VWF: variants seen among roughly 807,000 people sequenced by gnomAD.
The protein encoded by VWF is Factor VIII related antigen.
A neutral mutation model predicts 308.6 loss-of-function variants in VWF; 176 were observed. The ratio of observed to expected loss-of-function variants is 0.57; its 90% CI spans 0.50 to 0.65. VWF has a LOEUF of 0.65. Among genes scored for constraint, VWF ranks in the 30% least tolerant of loss-of-function variants. The pLI is 0.00. For synonymous variants in VWF, 1,385 were observed against 1,443.4 expected, an observed-to-expected ratio of 0.96 and a Z score of 0.92; for missense variants, 3,146 against 3,648.2, an observed-to-expected ratio of 0.86 and a Z score of 3.55.
rs2239141 is a variant in VWF, at chr12:6,091,212, T to A, written c.657+4248A>T. 1.2e-3 allele frequency among the ~76,000 whole-genome samples: 186 copies of A among 152,016 alleles called. 2 individuals are homozygous for A. The East Asian group carries it at 0.026, about 21-fold the overall frequency. On this transcript the variant is annotated intron_variant, in intron 6 of 51. Transcript: ENST00000261405. ...ACATTCTCCTTGGTCAGAGGTCAAA[T>A]TGTTCCATGAAGATGAAGACTCACT...
intron 9 of VWF, among the ~76,000 whole-genome samples, chr12:6,071,821 A>T (rs1944786049): frequency 6.6e-6 from 1 of 152,208 alleles, no homozygotes. Flanking sequence ...GCTGTGCAGG[A>T]GACTGGCAAA....
intron 6 of VWF, among the ~76,000 whole-genome samples, chr12:6,086,744 G>A (rs1445738455): frequency 6.6e-6 from 1 of 152,178 alleles, no homozygotes; most frequent in Non-Finnish European, 1.5e-5. Flanking sequence ...AGCAGAAATA[G>A]CAGAAAGGGC....
intron 32 of VWF, among the ~76,000 whole-genome samples, chr12:6,012,584 T>C (rs1406440959): frequency 6.6e-6 from 1 of 152,214 alleles, no homozygotes; most frequent in Non-Finnish European, 1.5e-5. Flanking sequence ...CAAACTTGCA[T>C]TGACTTATTC....
At chr12:6,073,548 T>G (rs1478650305) in intron 8 of VWF, 71 bp downstream of exon 8, 3 of 1,609,354 alleles carry the variant, frequency 1.9e-6, no homozygotes, top group Non-Finnish European at 2.5e-6. Context: ...CAAGTGGCCT[T>G]CATCTCACTT....
At chr12:6,086,029 T>C (rs1591908546) in intron 6 of VWF, among the ~76,000 whole-genome samples, 1 of 152,140 alleles carries the variant, frequency 6.6e-6, no homozygotes, top group South Asian at 2.1e-4. Flanking sequence ...ACCACAACCA[T>C]TGGCTCCCTG....
chr12:6,043,770 G>T (rs1242476729), intron 18 of VWF, among the ~76,000 whole-genome samples: 1 of 152,322 alleles, frequency 6.6e-6, no homozygotes, highest in African/African-American at 2.4e-5. Flanking sequence ...AAGACCTCAC[G>T]ACTCACATTA....
In VWF at chr12:6,026,014, A is replaced by G. The variant is rs771785483; in HGVS notation, c.3000T>C (p.Asp1000=). ...EKVCGLCGNF[D]GIQNNDLTSS... ...TGGTGAGGTCATTGTTCTGGATGCC[A>G]TCAAAATTCCCACACAGGCCACACA... The change falls in exon 23 of 52, where the codon GAT becomes GAC. Residue 1000 remains aspartate, a synonymous_variant. Transcript: ENST00000261405. The G allele has an allele frequency of 1.2e-6, 2 of 1,613,982 alleles. No individual in the cohort carries two copies. Among genetic ancestry groups the G allele is most frequent in the South Asian group, 1.1e-5 (1 of 91,074 alleles).
At chr12:5,990,136 C>G (rs1943721218) in intron 38 of VWF, among the ~76,000 whole-genome samples, 2 of 152,176 alleles carry the variant, frequency 1.3e-5, no homozygotes, top group African/African-American at 4.8e-5. Flanking sequence ...AGCCCAACAA[C>G]TAAACTAGAG....
At chr12:6,009,924 T>C (rs1943973197) in intron 34 of VWF, among the ~76,000 whole-genome samples, 1 of 152,070 alleles carries the variant, frequency 6.6e-6, no homozygotes, top group Non-Finnish European at 1.5e-5. Context: ...GTATCTAAAA[T>C]CGTCAAATTC....
intron 6 of VWF, among the ~76,000 whole-genome samples, chr12:6,084,078 T>C (rs1944943639): frequency 6.6e-6 from 1 of 152,132 alleles, no homozygotes; most frequent in South Asian, 2.1e-4. Flanking sequence ...TAAACTTAGA[T>C]TGTATAAGTC....
intron 42 of VWF, among the ~76,000 whole-genome samples, chr12:5,977,095 C>G (rs1341669436): frequency 6.6e-6 from 1 of 152,180 alleles, no homozygotes; most frequent in Non-Finnish European, 1.5e-5. Flanking sequence ...GTATAATGAA[C>G]TTATTGAATG....
chr12:5,964,016 G>C (rs1051877726), intron 47 of VWF, among the ~76,000 whole-genome samples: 6 of 146,210 alleles, frequency 4.1e-5, no homozygotes, highest in African/African-American at 1.7e-4. Context: ...GACCATTCTG[G>C]TTAACACGGT....
chr12:6,059,330 T>C (rs994779827), intron 13 of VWF, among the ~76,000 whole-genome samples: 1 of 152,236 alleles, frequency 6.6e-6, no homozygotes, highest in African/African-American at 2.4e-5. Context: ...TTGTTTATTG[T>C]CTGTCTCTCT....
chr12:5,986,916 TTTTTG>T (rs1943686160), intron 38 of VWF, among the ~76,000 whole-genome samples: 1 of 56,182 alleles, frequency 1.8e-5, no homozygotes, highest in Non-Finnish European at 4.7e-5. Context: ...TATGTTTTGG[TTTTTG>T]TTTGTTTGTT....
At chr12:6,048,163 T>G (rs185669622) in intron 16 of VWF, among the ~76,000 whole-genome samples, 2 of 152,292 alleles carry the variant, frequency 1.3e-5, no homozygotes, top group African/African-American at 4.8e-5. Flanking sequence ...TTTTATTCAG[T>G]TTTGTTTTGC....
intron 4 of VWF, 124 bp from the exon 5 acceptor site, chr12:6,110,706 A>C: frequency 7.6e-7 from 1 of 1,313,590 alleles, no homozygotes; most frequent in Non-Finnish European, 1.1e-6. Context: ...CTGAGGACCT[A>C]GATCAGCAAT....
intron 47 of VWF, among the ~76,000 whole-genome samples, chr12:5,961,168 C>T (rs562635743): frequency 6.6e-6 from 1 of 152,190 alleles, no homozygotes; most frequent in Non-Finnish European, 1.5e-5. Context: ...AAGCTCAGGG[C>T]TCCCACTGAT....
chr12:6,064,488 T>C, intron 11 of VWF, 104 bp from the exon 12 acceptor site: 1 of 1,521,612 alleles, frequency 6.6e-7, no homozygotes, highest in Non-Finnish European at 8.9e-7. Context: ...CGAGAGCCTC[T>C]GGCCTTCTCA....
chr12:6,058,644 G>A lies in VWF; in HGVS notation c.1534-600C>T, dbSNP rs565122878. The stretch of plus-strand genomic sequence containing the variant: ...GGCCCTGGGCATCACTGAAGAGAAA[G>A]GGCCACGAGCCACAGAAGACTCTGA... On this transcript the variant is annotated intron_variant, in intron 13 of 51. Transcript: ENST00000261405. This position sits in a 1 kb window ranked among gnomAD's most constrained non-coding sequence, Gnocchi z 4.9. Among the ~76,000 whole-genome samples the A allele has an allele frequency of 2.8e-4, 43 of 152,266 alleles. No individual in the cohort carries two copies. Among genetic ancestry groups the A allele is most frequent in the South Asian group, 1.0e-3 (5 of 4,832 alleles).
Sources: gnomAD v4.1 joint callset for allele counts (sites outside exome capture counted in the v4.1 genomes callset) on GRCh38, gnomAD v4.1.1 for gene constraint, Gnocchi (gnomAD v3.1) non-coding constraint, MANE v1.5 for transcripts, NCBI Gene and HGNC (gene_info 2026-07-23, HGNC 2026-07-21) for gene names.